FNIP1: variants seen among roughly 807,000 people sequenced by gnomAD.
FNIP1 encodes the protein folliculin-interacting protein 1.
Under a neutral mutation model 124.5 loss-of-function variants are expected in FNIP1, and 40 were observed. The ratio of observed to expected loss-of-function variants is 0.32; its 90% confidence interval spans 0.25 to 0.42. FNIP1 has a LOEUF of 0.42. FNIP1 is among the 10% of genes least tolerant of loss of function. The pLI is 1.00. For synonymous variants in FNIP1, 472 were observed against 470.6 expected (o/e 1.00, Z -0.04); for missense variants, 1,176 against 1,403.7 (o/e 0.84, Z 2.59).
rs189852520 is a variant in FNIP1 at position 131,731,016 on chromosome 5, A to T, written c.242T>A (p.Val81Asp). 1.4e-5 allele frequency: 22 copies of T among 1,613,214 alleles called. No individual in the cohort carries two copies. The highest frequency in any genetic ancestry group is 1.7e-4 in the Middle Eastern group (1 of 6,058). Residue 81 changes from valine to aspartate, a missense_variant, in exon 3 of 18, where the codon GTT becomes GAT. Val to Asp is a radical substitution (Grantham distance 152, BLOSUM62 -3). This residue lies in a region of FNIP1 where 1,109 missense variants were observed against 1,288.5 expected (regional missense o/e 0.86). Transcript: ENST00000510461. ...SVSKLGSDAQ[V>D]KVFGKCCQLK... ...TTGGCAGCATTTCCCAAAGACTTTA[A>T]CTTGAGCATCACTGCCGAGTTTCTG...
At chr5:131,789,598 A>G (rs2149589917) in intron 1 of FNIP1, among the ~76,000 whole-genome samples, 1 of 152,326 alleles carries the variant, frequency 6.6e-6, no homozygotes, top group South Asian at 2.1e-4. Flanking sequence ...CTCCCTACCA[A>G]AAAACCATCA....
chr5:131,746,428 C>T (rs1770683033), intron 1 of FNIP1, among the ~76,000 whole-genome samples: 1 of 152,184 alleles, frequency 6.6e-6, no homozygotes, highest in Admixed American at 6.5e-5. Flanking sequence ...CCCTCTCCCT[C>T]CTGCCTTGCT....
intron 1 of FNIP1, among the ~76,000 whole-genome samples, chr5:131,779,603 G>A (rs560634345): frequency 1.3e-5 from 2 of 150,898 alleles, no homozygotes; most frequent in South Asian, 2.1e-4. Flanking sequence ...CAGGAGAATC[G>A]CTTGAACCTG....
intron 1 of FNIP1, among the ~76,000 whole-genome samples, chr5:131,770,343 T>A (rs144304496): frequency 6.6e-6 from 1 of 152,302 alleles, no homozygotes; most frequent in East Asian, 1.9e-4. Context: ...TTGTAATACA[T>A]TAAGTAGCTG....
chr5:131,673,741 A>G lies in FNIP1; in HGVS notation c.1520-817T>C, dbSNP rs1767833661. Among the ~76,000 whole-genome samples the G allele has an allele frequency of 2.0e-5, 3 of 152,272 alleles. No homozygotes were observed. In the South Asian group the frequency reaches 6.2e-4, roughly 32 times the overall value. ...ACACACTTAACCATTCCTGATTTAA[A>G]TCATATCTCTGGGGCCGGGCACAGT... On this transcript the variant is annotated intron_variant, in intron 13 of 17. Transcript: ENST00000510461.
chr5:131,664,689 T>A (rs1302214452), intron 15 of FNIP1, among the ~76,000 whole-genome samples: 1 of 147,826 alleles, frequency 6.8e-6, no homozygotes, highest in Non-Finnish European at 1.5e-5. Flanking sequence ...ACATAAACTA[T>A]GACAAAACCA....
At chr5:131,728,000 T>C (rs187275250) in intron 3 of FNIP1, among the ~76,000 whole-genome samples, 185 of 152,350 alleles carry the variant, frequency 1.2e-3, no homozygotes, top group African/African-American at 4.4e-3. Flanking sequence ...CGTTGAATAT[T>C]GGTCCCCCAC....
intron 1 of FNIP1, among the ~76,000 whole-genome samples, chr5:131,777,438 G>A (rs1279387547): frequency 2.0e-5 from 3 of 151,662 alleles, no homozygotes; most frequent in Admixed American, 2.0e-4. Flanking sequence ...AACATGCTTG[G>A]AATAACACAC....
intron 11 of FNIP1, among the ~76,000 whole-genome samples, chr5:131,685,646 G>T (rs1000703987): frequency 1.8e-4 from 27 of 151,896 alleles, no homozygotes; most frequent in Middle Eastern, 3.4e-3. Context: ...GTAGAGACGG[G>T]TTTCACCATG....
chr5:131,766,979 C>T (rs556680809), intron 1 of FNIP1, among the ~76,000 whole-genome samples: 3 of 152,252 alleles, frequency 2.0e-5, no homozygotes, highest in African/African-American at 7.2e-5. Context: ...CAAATCTCCT[C>T]GGGAAACACT....
intron 1 of FNIP1, among the ~76,000 whole-genome samples, chr5:131,777,621 T>G (rs748597352): frequency 6.6e-6 from 1 of 152,218 alleles, no homozygotes; most frequent in Non-Finnish European, 1.5e-5. Context: ...TGGTCACCTT[T>G]GAAAGCTGCT....
rs182247370 is a variant in FNIP1, at chr5:131,663,033, G to A, written c.3108+7430C>T. Reference sequence around the variant, plus strand: ...GCTGGGATTACAGGTGTGAGCCACCGCGGCTGGCCTGGGGATATTCTAGAT... The same window carrying A: ...GCTGGGATTACAGGTGTGAGCCACCACGGCTGGCCTGGGGATATTCTAGAT... On this transcript the variant is annotated intron_variant, in intron 15 of 17. Coordinates refer to ENST00000510461, the MANE Select transcript of FNIP1 (RefSeq NM_133372.3). 4.6e-5 allele frequency among the ~76,000 whole-genome samples: 7 copies of A among 152,168 alleles called. No individual in the cohort carries two copies. The East Asian group carries it at 9.7e-4, about 21-fold the overall frequency.
intron 1 of FNIP1, 86 bp downstream of exon 1, chr5:131,796,744 G>T: frequency 1.5e-6 from 2 of 1,290,958 alleles, no homozygotes; most frequent in Non-Finnish European, 2.1e-6. Flanking sequence ...TTCCGCTCGG[G>T]TCGGAACACC....
intron 3 of FNIP1, among the ~76,000 whole-genome samples, chr5:131,726,765 T>A (rs1769888586): frequency 6.6e-6 from 1 of 152,212 alleles, no homozygotes; most frequent in African/African-American, 2.4e-5. Flanking sequence ...AGGGTGTCAA[T>A]TTTAGATCTT....
At chr5:131,792,754 A>G (rs1772450042) in intron 1 of FNIP1, among the ~76,000 whole-genome samples, 1 of 152,194 alleles carries the variant, frequency 6.6e-6, no homozygotes, top group African/African-American at 2.4e-5. Flanking sequence ...ATTATGTGCT[A>G]TTATGTGTAC....
chr5:131,714,291 A>T (rs1769394493), intron 6 of FNIP1, among the ~76,000 whole-genome samples: 1 of 152,080 alleles, frequency 6.6e-6, no homozygotes, highest in African/African-American at 2.4e-5. Flanking sequence ...TCTCTCCTTC[A>T]TTCATGGTCA....
chr5:131,662,860 C>T (rs1201397073), intron 15 of FNIP1, among the ~76,000 whole-genome samples: 2 of 151,760 alleles, frequency 1.3e-5, no homozygotes, highest in Admixed American at 1.3e-4. Context: ...CTGCCTCAGC[C>T]TCCTGAGTAG....
chr5:131,697,461 A>T (rs188320386), intron 11 of FNIP1, among the ~76,000 whole-genome samples: 5 of 152,098 alleles, frequency 3.3e-5, no homozygotes, highest in Non-Finnish European at 7.4e-5. Context: ...CTATAAATTT[A>T]TTTTTATAGC....
At chr5:131,699,395 C>CTTT (rs1230600109) in intron 10 of FNIP1, among the ~76,000 whole-genome samples, 4 of 136,012 alleles carry the variant, frequency 2.9e-5, no homozygotes, top group Admixed American at 7.4e-5. Context: ...CTGTTAACTC[C>CTTT]TTTTTTTTTT....
Sources: gnomAD v4.1 joint callset for allele counts (sites outside exome capture counted in the v4.1 genomes callset) on GRCh38, gnomAD v4.1.1 for gene constraint, gnomAD v4.1.1 regional missense constraint, MANE v1.5 for transcripts, NCBI Gene and HGNC (gene_info 2026-07-23, HGNC 2026-07-21) for gene names.